The following TPCN2 variants were observed in gnomAD, a reference collection of about 807,000 sequenced individuals.
TPCN2 encodes the protein two pore segment channel 2, also known as two pore channel protein 2.
A neutral mutation model predicts 111.4 loss-of-function variants in TPCN2; 92 were observed. The observed-to-expected ratio is 0.83, with a 90% confidence interval of 0.70 to 0.98. The LOEUF (loss-of-function observed/expected upper bound fraction) is 0.98, where lower values mean the gene tolerates loss of function less well. TPCN2 is among the 50% of genes least tolerant of loss of function. The probability of loss-of-function intolerance (pLI) is 0.00; values close to 1 mark genes in which losing one functional copy is unlikely to be tolerated. For synonymous variants in TPCN2, 405 were observed against 414.5 expected (o/e 0.98, Z 0.28); for missense variants, 995 against 980.1 (o/e 1.02, Z -0.20).
rs140485243 is a variant in TPCN2, at chr11:69,078,536, T to G, written c.1285T>G (p.Phe429Val). The G allele has an allele frequency of 1.9e-6, 3 of 1,614,054 alleles. No homozygotes were observed. Among genetic ancestry groups the G allele is most frequent in the Non-Finnish European group, 2.5e-6 (3 of 1,180,038 alleles). The change falls in exon 14 of 25, where the codon TTC becomes GTC. Residue 429 changes from phenylalanine (F) to valine (V), a missense_variant. Phe to Val is a conservative substitution (Grantham distance 50). Transcript: ENST00000294309. Reference protein sequence around the residue: ...SPFLQSAQFLFGHYYFDYLGN... With the variant: ...SPFLQSAQFLVGHYYFDYLGN... ...GTTTCTGCAGAGCGCCCAGTTCCTC[T>G]TCGGCCACTACTACTTTGACTACCT...
Position 69,071,843 on chromosome 11 carries a change from G to A in TPCN2, c.961-80G>A, listed in dbSNP as rs114430045. On this transcript the variant is annotated intron_variant, in intron 10 of 24. Transcript: ENST00000294309. ...GGCTGCCCAGACTCCCCCTCTGCCT[G>A]TTCCCCAGGGGAGGGAAGGGTCGGG... 2.4e-3 allele frequency: 3,237 copies of A among 1,365,728 alleles called. 67 individuals are homozygous for A. The African/African-American group carries it at 0.039, about 16-fold the overall frequency. 84.6% of individuals were successfully genotyped at this position (1,365,728 alleles called of 1,614,324 possible). A position where few individuals can be genotyped will look rare whatever the true frequency, so the allele number is the denominator to read the frequency against.
chr11:69,053,770 T>C (rs902496530), intron 1 of TPCN2, among the ~76,000 whole-genome samples: 20 of 152,168 alleles, frequency 1.3e-4, no homozygotes, highest in Non-Finnish European at 1.2e-4. Flanking sequence ...GATGTGCCGC[T>C]TCCCACAGGC....
chr11:69,063,256 A>G (rs1855103927), intron 6 of TPCN2, among the ~76,000 whole-genome samples: 1 of 151,602 alleles, frequency 6.6e-6, no homozygotes, highest in Non-Finnish European at 1.5e-5. Context: ...GCTGAGTCCC[A>G]TGGGCACTCT....
intron 1 of TPCN2, among the ~76,000 whole-genome samples, chr11:69,053,080 C>A (rs557573079): frequency 3.9e-5 from 6 of 152,210 alleles, no homozygotes; most frequent in Non-Finnish European, 5.9e-5. Context: ...CAGGTGCGCC[C>A]GCTGGCTGCT....
intron 5 of TPCN2, among the ~76,000 whole-genome samples, chr11:69,058,240 G>A (rs900335882): frequency 1.3e-5 from 2 of 152,226 alleles, no homozygotes; most frequent in Non-Finnish European, 2.9e-5. Flanking sequence ...GGGGTCTGTC[G>A]GGAAGCAGAG....
intron 23 of TPCN2, among the ~76,000 whole-genome samples, 179 bp from the exon 24 acceptor site, chr11:69,086,933 C>CTTG (rs1372068009): frequency 6.6e-6 from 1 of 151,506 alleles, no homozygotes; most frequent in East Asian, 2.0e-4. Context: ...GAAGGAGGGA[C>CTTG]TTGGACATTG....
chr11:69,078,813 C>A lies in TPCN2; in HGVS notation c.1410+20C>A. ...CTGGGGGTAAGTTCTGAGCTGTCCA[C>A]CTGTCAGGGCCAGGGTGAGGCTGGG... On this transcript the variant is annotated intron_variant, in intron 15 of 24. Coordinates refer to ENST00000294309, the MANE Select transcript of TPCN2 (RefSeq NM_139075.4). 8 of 1,614,112 alleles carry A rather than the reference C, an allele frequency of 5.0e-6. 1 individual carries two copies. The South Asian group carries it at 8.8e-5, about 18-fold the overall frequency.
chr11:69,079,609 C>G (rs764849581), intron 16 of TPCN2: 38 of 521,456 alleles, frequency 7.3e-5, no homozygotes, highest in Non-Finnish European at 1.2e-4. Context: ...CCTCTGCCAC[C>G]CCAATCTGTG....
chr11:69,085,343 G>GGGGGGGGGT, intron 20 of TPCN2, 57 bp downstream of exon 20: 5 of 581,828 alleles, frequency 8.6e-6, no homozygotes, highest in East Asian at 4.3e-5. Context: ...GGGTGGGCGG[G>GGGGGGGGGT]AAGCCTTGGC....
chr11:69,087,884 G>A lies in TPCN2; in HGVS notation c.2190G>A (p.Leu730=). 6.2e-7 allele frequency: 1 copy of A among 1,612,672 alleles called. No individual in the cohort carries two copies. The highest frequency in any genetic ancestry group is 1.3e-5 in the African/African-American group (1 of 74,996). Residue 730 remains leucine (L), a synonymous_variant, in exon 25 of 25, where the codon CTG becomes CTA. Coordinates refer to ENST00000294309, the MANE Select transcript of TPCN2 (RefSeq NM_139075.4). The part of the protein sequence containing the change: ...MTVELLFRDI[L]EEPGEDELTE... ...TTCCTCAATTCCACAGGGATATTCT[G>A]GAGGAGCCCGGGGAGGATGAGCTCA...
Position 69,055,883 on chromosome 11 carries a change from AC to A in TPCN2, c.429+535del, listed in dbSNP as rs563784692. Reference sequence around the variant, plus strand: ...GTCCCTCCTCAAGGCTCACCCTGCCACCCCAAAGAGAAGAGGAGAGGAGGTG... The same window carrying A: ...GTCCCTCCTCAAGGCTCACCCTGCCACCCAAAGAGAAGAGGAGAGGAGGTG... On this transcript the variant is annotated intron_variant, in intron 4 of 24. Transcript: ENST00000294309. Among the ~76,000 whole-genome samples the A allele has an allele frequency of 2.5e-3, 382 of 152,288 alleles. 3 individuals carry two copies. The highest frequency in any genetic ancestry group is 4.8e-3 in the Non-Finnish European group (324 of 68,016).
intron 7 of TPCN2, among the ~76,000 whole-genome samples, chr11:69,064,985 CTG>C (rs1054766674): frequency 2.0e-4 from 22 of 112,582 alleles, no homozygotes; most frequent in African/African-American, 3.2e-4. Context: ...GTCTGTATGT[CTG>C]TGTGCGTGTG....
chr11:69,085,053 CGT>C (rs1856212326), intron 19 of TPCN2, among the ~76,000 whole-genome samples, 155 bp from the exon 20 acceptor site: 1 of 152,164 alleles, frequency 6.6e-6, no homozygotes, highest in Non-Finnish European at 1.5e-5. Context: ...AGGCCAGCTG[CGT>C]GTGTTTTGAA....
intron 5 of TPCN2, among the ~76,000 whole-genome samples, chr11:69,061,514 A>T (rs1855020860): frequency 6.6e-6 from 1 of 152,220 alleles, no homozygotes; most frequent in African/African-American, 2.4e-5. Context: ...CAAGGGACTG[A>T]ATCCAGGTGT....
At chr11:69,076,901 C>T (rs1337764043) in intron 13 of TPCN2, among the ~76,000 whole-genome samples, 1 of 110,774 alleles carries the variant, frequency 9.0e-6, no homozygotes. Context: ...GCCCTCCTGC[C>T]ATGTCCCTCC....
In TPCN2 at chr11:69,090,023, A is replaced by G. The variant is rs928861958; in HGVS notation, c.*2070A>G. 2 of 151,968 alleles carry G rather than the reference A, an allele frequency of 1.3e-5. No individual in the cohort carries two copies. Among genetic ancestry groups the G allele is most frequent in the Non-Finnish European group, 2.9e-5 (2 of 68,010 alleles). The allele number at this position is 151,968 out of a possible 1,614,324, so 9.4% of individuals were successfully genotyped here. A position where few individuals can be genotyped will look rare whatever the true frequency, so the allele number is the denominator to read the frequency against. On this transcript the variant is annotated 3_prime_UTR_variant, in exon 25 of 25. Transcript: ENST00000294309. The stretch of plus-strand genomic sequence containing the variant: ...TTGCCTGCCCCTTTCTCTTTCATTT[A>G]TTGGAGTGAGCTGCAGCTCTAAGAA...
intron 2 of TPCN2, among the ~76,000 whole-genome samples, 166 bp from the exon 3 acceptor site, chr11:69,054,555 G>C (rs7127082): frequency 0.21 from 31,928 of 152,160 alleles, 3,836 homozygotes; most frequent in African/African-American, 0.29. Flanking sequence ...CGTGGTTTGT[G>C]ATGGTGTGGG....
At chr11:69,064,005 C>A in intron 7 of TPCN2, 38 bp downstream of exon 7, 1 of 1,595,188 alleles carries the variant, frequency 6.3e-7, no homozygotes, top group South Asian at 1.1e-5. Context: ...AATGGGGCTG[C>A]CCTGTGCTGT....
chr11:69,086,724 T>C lies in TPCN2; in HGVS notation c.2085+120T>C, dbSNP rs1856291594. ...CTTTGATGGGAGAGTCGTGCTGGGT[T>C]AGGCGGGTCCTGAGTGAGGCTGAGC... On this transcript the variant is annotated intron_variant, in intron 23 of 24. Transcript: ENST00000294309. The C allele has an allele frequency of 9.4e-6, 9 of 956,702 alleles. No individual in the cohort carries two copies. The South Asian group carries it at 1.1e-4, about 12-fold the overall frequency. The allele number at this position is 956,702 out of a possible 1,614,324, so 59.3% of individuals were successfully genotyped here.
Sources: gnomAD v4.1 joint callset for allele counts (sites outside exome capture counted in the v4.1 genomes callset) on GRCh38, gnomAD v4.1.1 for gene constraint, MANE v1.5 for transcripts, NCBI Gene and HGNC (gene_info 2026-07-23, HGNC 2026-07-21) for gene names.